HMCN2: variants seen among roughly 807,000 people sequenced by gnomAD.
HMCN2 encodes the protein hemicentin-2.
HMCN2 carries 325 observed loss-of-function variants against 377.5 expected under a neutral mutation model. That is an observed-to-expected ratio of 0.86 (90% CI 0.79 to 0.94). The LOEUF (loss-of-function observed/expected upper bound fraction) is 0.94, where lower values mean the gene tolerates loss of function less well. HMCN2 is among the 40% of genes least tolerant of loss of function. The pLI, the probability that HMCN2 is intolerant of heterozygous loss-of-function variation, is 0.00. For synonymous variants in HMCN2, 2,007 were observed against 2,046.8 expected, an observed-to-expected ratio of 0.98 and a Z score of 0.53; for missense variants, 4,543 against 4,725.3, an observed-to-expected ratio of 0.96 and a Z score of 1.13.
At chr9:130,288,357 A>G (rs1411264663) in intron 4 of HMCN2, among the ~76,000 whole-genome samples, 10 of 152,144 alleles carry the variant, frequency 6.6e-5, no homozygotes, top group African/African-American at 2.4e-4. Context: ...GGCTACCTCT[A>G]AGTAGGGGCC....
chr9:130,292,182 A>G (rs1835819188), intron 4 of HMCN2, among the ~76,000 whole-genome samples: 1 of 152,270 alleles, frequency 6.6e-6, no homozygotes, highest in South Asian at 2.1e-4. Flanking sequence ...GCATCCTACT[A>G]TTACTGATGA....
chr9:130,273,359 T>C (rs2900285), intron 1 of HMCN2, among the ~76,000 whole-genome samples: 119,792 of 152,128 alleles, frequency 0.79, 47,586 homozygotes, highest in African/African-American at 0.9. Context: ...AGGTTGAGAG[T>C]CACAGCTTGT....
chr9:130,430,234 C>T (rs1844655348), intron 94 of HMCN2, 50 bp from the exon 95 acceptor site: 3 of 1,427,808 alleles, frequency 2.1e-6, no homozygotes, highest in Non-Finnish European at 2.8e-6. Flanking sequence ...CTGCAGGCTG[C>T]AGGGGAACCT....
chr9:130,342,060 T>TAAAC (rs1352074923), intron 24 of HMCN2, among the ~76,000 whole-genome samples: 1 of 150,100 alleles, frequency 6.7e-6, no homozygotes, highest in South Asian at 2.1e-4. Context: ...AATAAATAAA[T>TAAAC]AAAAGCTTGG....
chr9:130,428,458 C>A lies in HMCN2; in HGVS notation c.14166C>A (p.Gly4722=). 6.5e-7 allele frequency: 1 copy of A among 1,544,010 alleles called. No individual in the cohort carries two copies. Among genetic ancestry groups the A allele is most frequent in the Non-Finnish European group, 8.7e-7 (1 of 1,146,922 alleles). The change falls in exon 93 of 98, where the codon GGC becomes GGA. Residue 4722 remains glycine (G), a synonymous_variant. Coordinates refer to ENST00000683500, the MANE Select transcript of HMCN2 (RefSeq NM_001291815.2). The surrounding 1 kb of genome is among the most constrained non-coding windows in gnomAD (Gnocchi z 5.0). ...GCTGCCTCCCCGACTGTGGGCCTGG[C>A]TTCCGGGTGGCTGATGGGGCCGGCT... ...SYRCLPDCGP[G]FRVADGAGCE...
intron 53 of HMCN2, among the ~76,000 whole-genome samples, chr9:130,378,179 G>C (rs2131622488): frequency 6.6e-6 from 1 of 151,962 alleles, no homozygotes; most frequent in East Asian, 1.9e-4. Flanking sequence ...GAAACTGCCT[G>C]TGGGTACCTG....
At chr9:130,407,964 T>C (rs988810938) in intron 83 of HMCN2, among the ~76,000 whole-genome samples, 5 of 152,178 alleles carry the variant, frequency 3.3e-5, no homozygotes, top group Admixed American at 2.6e-4. Context: ...GCAGGTAGAA[T>C]TGGAATCTGA....
At chr9:130,352,890 G>T in intron 30 of HMCN2, 37 bp from the exon 31 acceptor site, 1 of 1,228,290 alleles carries the variant, frequency 8.1e-7, no homozygotes, top group Non-Finnish European at 1.1e-6. Flanking sequence ...AGGCCTCAGC[G>T]GCTGCCTGTG....
At chr9:130,297,862 C>T (rs917073451) in intron 7 of HMCN2, among the ~76,000 whole-genome samples, 1 of 152,124 alleles carries the variant, frequency 6.6e-6, no homozygotes, top group Non-Finnish European at 1.5e-5. Flanking sequence ...AGTGATGGCG[C>T]GGGGACTGAA....
chr9:130,398,791 C>T (rs1012585805), intron 75 of HMCN2, 84 bp downstream of exon 75: 25 of 721,574 alleles, frequency 3.5e-5, no homozygotes, highest in Admixed American at 7.7e-5. Context: ...GGGGCAGGGA[C>T]GGGGCGGGGT....
chr9:130,281,342 C>T lies in HMCN2; in HGVS notation c.260-3261C>T, dbSNP rs554329049. Reference sequence around the variant, plus strand: ...TGTAAAAATGTGGGTAAGACTTGGACGCCAGCACTTTGGGAGGCCGAGGCA... The same window carrying T: ...TGTAAAAATGTGGGTAAGACTTGGATGCCAGCACTTTGGGAGGCCGAGGCA... On this transcript the variant is annotated intron_variant, in intron 1 of 97. Transcript: ENST00000683500. 1.1e-4 allele frequency among the ~76,000 whole-genome samples: 16 copies of T among 151,798 alleles called. No homozygotes were observed. The South Asian group carries it at 1.9e-3, about 18-fold the overall frequency.
At chr9:130,305,126 G>A (rs77228862) in intron 11 of HMCN2, 124 bp downstream of exon 11, 13,693 of 373,542 alleles carry the variant, frequency 0.037, 337 homozygotes, top group African/African-American at 0.067. Context: ...AGCCTTTTCA[G>A]TGTTTTTTGA....
chr9:130,286,116 C>T (rs930041090), intron 3 of HMCN2, 72 bp from the exon 4 acceptor site: 12 of 459,628 alleles, frequency 2.6e-5, no homozygotes, highest in Admixed American at 4.7e-5. Context: ...CCACCCTGGT[C>T]GAGGTCCTGC....
rs145888725 is a variant in HMCN2 at position 130,380,962 on chromosome 9, G to T, written c.8432-1222G>T. On this transcript the variant is annotated intron_variant, in intron 54 of 97. Coordinates refer to ENST00000683500, the MANE Select transcript of HMCN2 (RefSeq NM_001291815.2). Reference sequence around the variant, plus strand: ...CAGTAGGCTCTGACCTGCTGATCCCGATCAGACTCTAACCATCAGCTAATC... The same window carrying T: ...CAGTAGGCTCTGACCTGCTGATCCCTATCAGACTCTAACCATCAGCTAATC... Among the ~76,000 whole-genome samples the T allele has an allele frequency of 2.1e-3, 312 of 151,400 alleles. 2 individuals are homozygous for T. Among genetic ancestry groups the T allele is most frequent in the African/African-American group, 7.2e-3 (295 of 41,224 alleles).
In HMCN2 at chr9:130,393,849, T is replaced by C. The variant is rs778239767; in HGVS notation, c.10342T>C (p.Ser3448Pro). Residue 3448 changes from serine (S) to proline (P), a missense_variant, in exon 68 of 98, where the codon TCG becomes CCG. By Grantham distance (74) the Ser-to-Pro change is moderately conservative (BLOSUM62 -1). Transcript: ENST00000683500. This position sits in a 1 kb window ranked among gnomAD's most constrained non-coding sequence, Gnocchi z 5.2. ...CCGGGGCGTTCCCCTGCCTCTCGTG[T>C]CGTGGATGAAGGATGGGGAACCCTT... is the stretch of plus-strand genomic sequence containing the variant. ...EARGVPLPLV[S>P]WMKDGEPLLS... The C allele has an allele frequency of 5.5e-5, 71 of 1,289,384 alleles. No homozygotes were observed. Among genetic ancestry groups the C allele is most frequent in the Non-Finnish European group, 6.4e-5 (63 of 988,750 alleles). The allele number at this position is 1,289,384 out of a possible 1,614,324, so 79.9% of individuals were successfully genotyped here. A position where few individuals can be genotyped will look rare whatever the true frequency, so the allele number is the denominator to read the frequency against.
Position 130,418,927 on chromosome 9 carries a change from C to T in HMCN2, c.13117C>T (p.Pro4373Ser), listed in dbSNP as rs111561614. Residue 4373 changes from proline to serine, a missense_variant, in exon 86 of 98, where the codon CCC (proline) becomes TCC (serine). Around this residue, in one of 5 missense-constraint regions of HMCN2, gnomAD observed 1,155 missense variants for 1,157.7 expected, o/e 1.00. Coordinates refer to ENST00000683500, the MANE Select transcript of HMCN2 (RefSeq NM_001291815.2). The part of the protein sequence containing the change: ...LRASRRLRTL[P>S]DGSLWLENVE... ...GGCCAGCCGGCGGCTCCGGACCCTG[C>T]CCGATGGGAGCCTGTGGCTGGAGAA... 3.9e-6 allele frequency: 6 copies of T among 1,545,260 alleles called. No individual in the cohort carries two copies. Among genetic ancestry groups the T allele is most frequent in the African/African-American group, 2.7e-5 (2 of 72,966 alleles).
chr9:130,333,171 A>T (rs1174286260), intron 22 of HMCN2, among the ~76,000 whole-genome samples: 1 of 152,224 alleles, frequency 6.6e-6, no homozygotes, highest in Admixed American at 6.5e-5. Context: ...GAACTGGGGC[A>T]TGCCGGGGAC....
intron 22 of HMCN2, among the ~76,000 whole-genome samples, chr9:130,330,276 A>G (rs1838361288): frequency 5.9e-5 from 9 of 152,054 alleles, no homozygotes; most frequent in Non-Finnish European, 1.5e-5. Context: ...GCTCCACGGC[A>G]GCCCCTTCTC....
chr9:130,336,340 C>G (rs1838746142), intron 22 of HMCN2, among the ~76,000 whole-genome samples: 1 of 152,070 alleles, frequency 6.6e-6, no homozygotes, highest in Non-Finnish European at 1.5e-5. Flanking sequence ...ACATGCAAAA[C>G]TTTGTGTATT....
Sources: gnomAD v4.1 joint callset for allele counts (sites outside exome capture counted in the v4.1 genomes callset) on GRCh38, gnomAD v4.1.1 for gene constraint, gnomAD v4.1.1 regional missense constraint, Gnocchi (gnomAD v3.1) non-coding constraint, MANE v1.5 for transcripts, NCBI Gene and HGNC (gene_info 2026-07-23, HGNC 2026-07-21) for gene names.